AHNAK2: variants seen among roughly 807,000 people sequenced by gnomAD.
AHNAK2 encodes AHNAK nucleoprotein 2, also known as protein AHNAK2.
In AHNAK2, 18 loss-of-function variants were observed where a neutral mutation model predicts 30.7. The observed-to-expected ratio is 0.59, with a 90% CI of 0.41 to 0.87. The LOEUF is 0.87. AHNAK2 is among the 40% of genes least tolerant of loss of function. AHNAK2 has a pLI of 0.00. For missense variants in AHNAK2, 8,604 were observed against 7,373.0 expected, an observed-to-expected ratio of 1.17 and a Z score of -6.11; for synonymous variants, 3,590 against 3,073.8, an observed-to-expected ratio of 1.17 and a Z score of -5.56.
In AHNAK2 at chr14:104,950,524, C is replaced by T; in HGVS notation, c.4927G>A (p.Asp1643Asn). 2 of 1,587,030 alleles carry T rather than the reference C, an allele frequency of 1.3e-6. No individual in the cohort carries two copies. The highest frequency in any genetic ancestry group is 1.1e-5 in the South Asian group (1 of 89,652). The change falls in exon 7 of 7, where the codon GAC becomes AAC. Residue 1643 changes from aspartate to asparagine, a missense_variant. Physicochemically the swap from Asp to Asn is conservative, Grantham distance 23. Transcript: ENST00000333244. ...ACCGCCTTGTCGGCCAGGGACAGGT[C>T]CCCCTCCAGCTGCGCACCATCCAGC... ...AKLDGAQLEGDLSLADKAVTA... is the reference protein window; with the variant it reads ...AKLDGAQLEGNLSLADKAVTA...
At position 104,953,467 on chromosome 14, in the gene AHNAK2, T is replaced by A; in HGVS notation, c.1984A>T (p.Ile662Phe). 6.2e-7 allele frequency: 1 copy of A among 1,614,032 alleles called. No individual in the cohort carries two copies. The highest frequency in any genetic ancestry group is 8.5e-7 in the Non-Finnish European group (1 of 1,179,888). ...GTGGCCACTTCCTTTTCTGTCAGAA[T>A]TTGTTCCTTTTTTAAGCGTTTTTCA... ...HDEKRLKKEQ[I>F]LTEKEVATKD... The change falls in exon 7 of 7, where the codon ATT becomes TTT. Residue 662 changes from isoleucine (I) to phenylalanine (F), a missense_variant. Physicochemically the swap from Ile to Phe is conservative, Grantham distance 21. Coordinates refer to ENST00000333244, the MANE Select transcript of AHNAK2 (RefSeq NM_138420.4).
rs1284989912 is a variant in AHNAK2, at chr14:104,957,398, C to T, written c.213+12G>A. On this transcript the variant is annotated intron_variant, in intron 3 of 6. Transcript: ENST00000333244. ...ACCTGGGTGCCTGTGGGGCTCTGCC[C>T]AGCAGGCTCACCTGGAGTCCAAAGT... is the stretch of plus-strand genomic sequence containing the variant. The T allele has an allele frequency of 1.3e-6, 2 of 1,574,834 alleles. No homozygotes were observed. Among genetic ancestry groups the T allele is most frequent in the Non-Finnish European group, 1.7e-6 (2 of 1,154,798 alleles).
At position 104,939,871 on chromosome 14, in the gene AHNAK2, T is replaced by C. The variant is rs755588643; in HGVS notation, c.15580A>G (p.Lys5194Glu). ...YSQESWFKMP[K>E]FRMPSLRRSF... ...CGCCTAAGGCTGGGCATGCGGAACT[T>C]GGGCATTTTAAACCAGCTTTCCTGC... The change falls in exon 7 of 7, where the codon AAG becomes GAG. Residue 5194 changes from lysine to glutamate, a missense_variant. By Grantham distance (56) the Lys-to-Glu change is moderately conservative. Transcript: ENST00000333244. The C allele has an allele frequency of 1.6e-5, 26 of 1,613,514 alleles. No homozygotes were observed. The highest frequency in any genetic ancestry group is 2.1e-5 in the Non-Finnish European group (25 of 1,179,826).
Position 104,941,743 on chromosome 14 carries a change from C to G in AHNAK2, c.13708G>C (p.Gly4570Arg), listed in dbSNP as rs781724920. 2 of 1,613,762 alleles carry G rather than the reference C, an allele frequency of 1.2e-6. No individual in the cohort carries two copies. Among genetic ancestry groups the G allele is most frequent in the African/African-American group, 2.7e-5 (2 of 74,984 alleles). ...DLKGPQVDVK[G>R]PKLDLKGPKA... Reference sequence around the variant, plus strand: ...GGGCCTTTCAGGTCCAGCTTGGGGCCCTTGACGTCCACCTGGGGGCCCTTG... The same window carrying G: ...GGGCCTTTCAGGTCCAGCTTGGGGCGCTTGACGTCCACCTGGGGGCCCTTG... Residue 4570 changes from glycine (G) to arginine (R), a missense_variant, in exon 7 of 7, where the codon GGC becomes CGC. Gly to Arg is a moderately radical substitution (Grantham distance 125). Transcript: ENST00000333244.
chr14:104,943,970 G>A lies in AHNAK2; in HGVS notation c.11481C>T (p.His3827=), dbSNP rs538732616. The A allele has an allele frequency of 4.0e-5, 65 of 1,608,288 alleles. No individual in the cohort carries two copies. In the African/African-American group the frequency reaches 5.3e-4, roughly 13 times the overall value. Residue 3827 remains histidine, a synonymous_variant, in exon 7 of 7, where the codon CAC becomes CAT. Transcript: ENST00000333244. ...CGGCCTCCACCTTGGGTGCAGACAC[G>A]TGCACCGAGGCCTCAATGGACTTGC... ...APGKSIEASV[H]VSAPKVEADV...
rs369317688 is a variant in AHNAK2, at chr14:104,946,141, C to T, written c.9310G>A (p.Val3104Met). 43 of 1,612,436 alleles carry T rather than the reference C, an allele frequency of 2.7e-5. No homozygotes were observed. In the African/African-American group the frequency reaches 4.6e-4, roughly 17 times the overall value. ...TCCACCTCCATGCCGGGCTGAGACA[C>T]CTCCACGTCGGGGGCCGTCACGTCC... ...KTDVTAPDVE[V>M]SQPGMEVDVE... Residue 3104 changes from valine (V) to methionine (M), a missense_variant, in exon 7 of 7, where the codon GTG (valine) becomes ATG (methionine). Transcript: ENST00000333244.
At position 104,944,819 on chromosome 14, in the gene AHNAK2, G is replaced by A. The variant is rs369943497; in HGVS notation, c.10632C>T (p.Gly3544=). The change falls in exon 7 of 7, where the codon GGC becomes GGT. Residue 3544 remains glycine, a synonymous_variant. Coordinates refer to ENST00000333244, the MANE Select transcript of AHNAK2 (RefSeq NM_138420.4). The part of the protein sequence containing the change: ...AVQVDVELLE[G]PVPEGAGLKG... ...TGAGGCCGGCTCCCTCGGGCACGGG[G>A]CCCTCCAGGAGTTCCACATCCACTT... 1.4e-4 allele frequency: 219 copies of A among 1,612,746 alleles called. No individual in the cohort carries two copies. The highest frequency in any genetic ancestry group is 1.8e-4 in the Non-Finnish European group (210 of 1,179,594).
In AHNAK2 at chr14:104,939,200, C is replaced by T; in HGVS notation, c.16251G>A (p.Glu5417=). Residue 5417 remains glutamate, a synonymous_variant, in exon 7 of 7, where the codon GAG becomes GAA. Transcript: ENST00000333244. ...TACAAAGGGCTGTATCAATATTGGC[C>T]TCTGGACACTGCACTTCCCTCACAG... ...IPTVREVQCP[E]ANIDTALCKE... is the part of the protein sequence containing the mutation. 6.2e-7 allele frequency: 1 copy of T among 1,613,810 alleles called. No homozygotes were observed. Among genetic ancestry groups the T allele is most frequent in the Non-Finnish European group, 8.5e-7 (1 of 1,179,874 alleles).
chr14:104,937,980 G>C lies in AHNAK2; in HGVS notation c.*83C>G. On this transcript the variant is annotated 3_prime_UTR_variant, in exon 7 of 7. Coordinates refer to ENST00000333244, the MANE Select transcript of AHNAK2 (RefSeq NM_138420.4). ...GTGAGGTGGATGTAATGTGCTGTGGGATGGGGTGCTCCATATGTGTGTGTA... is the reference window on the plus strand; with the variant it reads ...GTGAGGTGGATGTAATGTGCTGTGGCATGGGGTGCTCCATATGTGTGTGTA... 1 of 1,419,824 alleles carries C rather than the reference G, an allele frequency of 7.0e-7. No homozygotes were observed. The highest frequency in any genetic ancestry group is 9.6e-7 in the Non-Finnish European group (1 of 1,040,358). 88.0% of individuals were successfully genotyped at this position (1,419,824 alleles called of 1,614,324 possible).
chr14:104,965,531 CAG>C (rs1182384025), intron 1 of AHNAK2, among the ~76,000 whole-genome samples: 1 of 151,986 alleles, frequency 6.6e-6, no homozygotes, highest in Non-Finnish European at 1.5e-5. Flanking sequence ...CAAGAAGAAA[CAG>C]TACCAATCTT....
At chr14:104,964,502 A>G (rs1462838715) in intron 1 of AHNAK2, among the ~76,000 whole-genome samples, 1 of 152,132 alleles carries the variant, frequency 6.6e-6, no homozygotes, top group East Asian at 1.9e-4. Flanking sequence ...CCCTCAAAAG[A>G]TGGATGCAGG....
At position 104,938,857 on chromosome 14, in the gene AHNAK2, C is replaced by A. The variant is rs1897890758; in HGVS notation, c.16594G>T (p.Ala5532Ser). ...TGAGTCATTGTTGTGTACACTCTAG[C>A]CTGCGTGTGGGGCTCTGGGATTTTC... ...KVKIPEPHTQ[A>S]RVYTTMTQHS... Residue 5532 changes from alanine to serine, a missense_variant, in exon 7 of 7, where the codon GCT becomes TCT. Transcript: ENST00000333244. 6.2e-7 allele frequency: 1 copy of A among 1,613,796 alleles called. No homozygotes were observed. The highest frequency in any genetic ancestry group is 8.5e-7 in the Non-Finnish European group (1 of 1,179,902).
In AHNAK2 at chr14:104,941,873, C is replaced by T. The variant is rs376661133; in HGVS notation, c.13578G>A (p.Gln4526=). The T allele has an allele frequency of 1.2e-5, 19 of 1,613,236 alleles. No individual in the cohort carries two copies. Among genetic ancestry groups the T allele is most frequent in the Middle Eastern group, 1.6e-4 (1 of 6,078 alleles). The change falls in exon 7 of 7, where the codon CAG becomes CAA. Residue 4526 remains glutamine (Q), a synonymous_variant. Coordinates refer to ENST00000333244, the MANE Select transcript of AHNAK2 (RefSeq NM_138420.4). ...GGCCTTCTGGAAGTTTCAAGTCCAC[C>T]TGGCCAGCCTGGACCTCCAGGTCGG... The part of the protein sequence containing the change: ...PSADLEVQAG[Q]VDLKLPEGHM...
At position 104,946,682 on chromosome 14, in the gene AHNAK2, C is replaced by T. The variant is rs745727619; in HGVS notation, c.8769G>A (p.Leu2923=). Residue 2923 remains leucine, a synonymous_variant, in exon 7 of 7, where the codon CTG becomes CTA. Coordinates refer to ENST00000333244, the MANE Select transcript of AHNAK2 (RefSeq NM_138420.4). The stretch of plus-strand genomic sequence containing the variant: ...CCTCCGCCTTGGGGCCTTTCAGGTC[C>T]AGCTTGGGGCCCTTGACGTCTATCT... ...GPQIDVKGPK[L]DLKGPKAEVT... The T allele has an allele frequency of 4.3e-6, 7 of 1,612,928 alleles. No individual in the cohort carries two copies. The highest frequency in any genetic ancestry group is 5.1e-6 in the Non-Finnish European group (6 of 1,179,684).
Position 104,948,380 on chromosome 14 carries a change from C to T in AHNAK2, c.7071G>A (p.Met2357Ile). ...KVEADVSLPS[M>I]QGDLKTTDLS... ...GGTCAGTGGTCTTGAGGTCCCCCTGCATGGAGGGGAGGCTCACGTCGGCCT... is the reference window on the plus strand; with the variant it reads ...GGTCAGTGGTCTTGAGGTCCCCCTGTATGGAGGGGAGGCTCACGTCGGCCT... Residue 2357 changes from methionine to isoleucine, a missense_variant, in exon 7 of 7, where the codon ATG becomes ATA. Coordinates refer to ENST00000333244, the MANE Select transcript of AHNAK2 (RefSeq NM_138420.4). 6.2e-7 allele frequency: 1 copy of T among 1,612,714 alleles called. No individual in the cohort carries two copies. The highest frequency in any genetic ancestry group is 2.2e-5 in the East Asian group (1 of 44,750).
chr14:104,959,053 G>A (rs575077608), intron 1 of AHNAK2, among the ~76,000 whole-genome samples: 61 of 152,340 alleles, frequency 4.0e-4, no homozygotes, highest in African/African-American at 1.4e-3. Context: ...AGGCAAAATA[G>A]TCTGGGCATG....
In AHNAK2 at chr14:104,939,196, T is replaced by C. The variant is rs1897905168; in HGVS notation, c.16255A>G (p.Asn5419Asp). Residue 5419 changes from asparagine (N) to aspartate (D), a missense_variant, in exon 7 of 7, where the codon AAT becomes GAT. Transcript: ENST00000333244. The stretch of plus-strand genomic sequence containing the variant: ...TCCTTACAAAGGGCTGTATCAATAT[T>C]GGCCTCTGGACACTGCACTTCCCTC... ...TVREVQCPEA[N>D]IDTALCKESP... The C allele has an allele frequency of 6.2e-7, 1 of 1,613,648 alleles. No individual in the cohort carries two copies. The highest frequency in any genetic ancestry group is 8.5e-7 in the Non-Finnish European group (1 of 1,179,868).
intron 1 of AHNAK2, among the ~76,000 whole-genome samples, chr14:104,972,910 C>T (rs1435028806): frequency 6.6e-6 from 1 of 152,192 alleles, no homozygotes; most frequent in African/African-American, 2.4e-5. Flanking sequence ...AGGCTGGAGG[C>T]CCTGGGCTCT....
chr14:104,945,020 C>T lies in AHNAK2; in HGVS notation c.10431G>A (p.Lys3477=), dbSNP rs373852500. 6.0e-4 allele frequency: 960 copies of T among 1,600,394 alleles called. 19 individuals carry two copies. The African/African-American group carries it at 0.011, about 19-fold the overall frequency. Residue 3477 remains lysine (K), a synonymous_variant, in exon 7 of 7, where the codon AAG becomes AAA. Coordinates refer to ENST00000333244, the MANE Select transcript of AHNAK2 (RefSeq NM_138420.4). ...ACACCCCGAAGGAGGGCATCTTGAA[C>T]TTGGGCATTTTGAACTTGCTGTCTT... The part of the protein sequence containing the change: ...TAKDSKFKMP[K]FKMPSFGVSA...
Sources: gnomAD v4.1 joint callset for allele counts (sites outside exome capture counted in the v4.1 genomes callset) on GRCh38, gnomAD v4.1.1 for gene constraint, MANE v1.5 for transcripts, NCBI Gene and HGNC (gene_info 2026-07-23, HGNC 2026-07-21) for gene names.